DST: variants seen among roughly 807,000 people sequenced by gnomAD.
The protein encoded by DST is dystonin.
A neutral mutation model predicts 875.2 loss-of-function variants in DST; 253 were observed. The observed-to-expected ratio is 0.29, with a 90% CI of 0.26 to 0.32. DST has a LOEUF of 0.32. Among genes scored for constraint, DST ranks in the 10% least tolerant of loss-of-function variants. DST has a pLI of 1.00. For missense variants in DST, 8,287 were observed against 9,111.6 expected, an observed-to-expected ratio of 0.91 and a Z score of 3.68; for synonymous variants, 3,124 against 3,197.1, an observed-to-expected ratio of 0.98 and a Z score of 0.77.
At chr6:56,494,208 C>T in intron 82 of DST, 28 bp from the exon 83 acceptor site, 1 of 1,568,274 alleles carries the variant, frequency 6.4e-7, no homozygotes, top group Non-Finnish European at 8.7e-7. Flanking sequence ...CAAGTTATAT[C>T]ACTTTAAGAA....
rs1392667033 is a variant in DST at position 56,735,166 on chromosome 6, T to C, written c.687+62A>G. On this transcript the variant is annotated intron_variant, in intron 5 of 103. Coordinates refer to ENST00000680361, the MANE Select transcript of DST (RefSeq NM_001374736.1). ...TGTGCTTCAGAGCTATATAATCAAT[T>C]ACTGCAAAATAAACTGAAATATTCC... The C allele has an allele frequency of 1.2e-5, 13 of 1,113,334 alleles. No individual in the cohort carries two copies. In the East Asian group the frequency reaches 2.6e-4, roughly 22 times the overall value. The allele number at this position is 1,113,334 out of a possible 1,614,324, so 69.0% of individuals were successfully genotyped here.
At position 56,898,233 on chromosome 6, in the gene DST, G is replaced by C. The variant is rs1158486874; in HGVS notation, c.417+2188C>G. Among the ~76,000 whole-genome samples, 3 of 152,162 alleles carry C rather than the reference G, an allele frequency of 2.0e-5. No homozygotes were observed. The East Asian group carries it at 5.8e-4, about 29-fold the overall frequency. ...AAGGGCACCTCACTCTGATAGGAAG[G>C]ATCAGAAAAGACTTCACCTGACCTA... On this transcript the variant is annotated intron_variant, in intron 3 of 103. Coordinates refer to ENST00000680361, the MANE Select transcript of DST (RefSeq NM_001374736.1).
At chr6:56,779,656 T>G (rs1317102589) in intron 4 of DST, among the ~76,000 whole-genome samples, 1 of 151,892 alleles carries the variant, frequency 6.6e-6, no homozygotes, top group Non-Finnish European at 1.5e-5. Context: ...TTTCCCCATT[T>G]CTTGTTTTTG....
At chr6:56,511,067 G>C in intron 73 of DST, 130 bp downstream of exon 73, 1 of 762,868 alleles carries the variant, frequency 1.3e-6, no homozygotes, top group Non-Finnish European at 2.1e-6. Context: ...GAGGGACACA[G>C]ACATCAATAC....
intron 61 of DST, among the ~76,000 whole-genome samples, chr6:56,545,005 A>G (rs1194761123): frequency 6.6e-6 from 1 of 152,132 alleles, no homozygotes; most frequent in African/African-American, 2.4e-5. Flanking sequence ...CATGATATCT[A>G]GATCCATCAC....
intron 10 of DST, among the ~76,000 whole-genome samples, chr6:56,669,181 GTTAGT>G (rs1294487159): frequency 1.3e-5 from 2 of 149,300 alleles, no homozygotes; most frequent in East Asian, 2.0e-4. Context: ...AAATAAATTG[GTTAGT>G]TTAATGACTT....
intron 10 of DST, among the ~76,000 whole-genome samples, chr6:56,668,877 G>A (rs1362848398): frequency 4.6e-5 from 7 of 151,882 alleles, no homozygotes; most frequent in Non-Finnish European, 1.0e-4. Flanking sequence ...AATAAAAAGG[G>A]AGAAAGAAAA....
intron 5 of DST, 61 bp downstream of exon 5, chr6:56,735,167 A>G: frequency 9.0e-7 from 1 of 1,114,922 alleles, no homozygotes; most frequent in Non-Finnish European, 1.3e-6. Flanking sequence ...ATAATCAATT[A>G]CTGCAAAATA....
At chr6:56,573,189 T>C (rs1201521742) in intron 51 of DST, 125 bp from the exon 52 acceptor site, 4 of 822,564 alleles carry the variant, frequency 4.9e-6, no homozygotes, top group African/African-American at 1.7e-5. Flanking sequence ...AGGTTAACAG[T>C]TGAAACTGAA....
chr6:56,764,939 AGAGT>A (rs1317675221), intron 4 of DST, among the ~76,000 whole-genome samples: 2 of 136,676 alleles, frequency 1.5e-5, no homozygotes, highest in Non-Finnish European at 3.1e-5. Flanking sequence ...CCTGGGTGAC[AGAGT>A]GAGACTCCAT....
intron 38 of DST, 71 bp from the exon 39 acceptor site, chr6:56,610,633 T>C: frequency 1.5e-6 from 2 of 1,329,048 alleles, no homozygotes; most frequent in Non-Finnish European, 1.0e-6. Flanking sequence ...TTAGGTTCAA[T>C]AATTTTGTCA....
chr6:56,603,520 A>G, intron 41 of DST, 44 bp downstream of exon 41: 1 of 1,591,796 alleles, frequency 6.3e-7, no homozygotes, highest in Non-Finnish European at 8.5e-7. Context: ...CCAGTCATAC[A>G]TCAGCTGACT....
chr6:56,746,674 C>G (rs1043188364), intron 4 of DST, among the ~76,000 whole-genome samples: 15 of 152,116 alleles, frequency 9.9e-5, no homozygotes, highest in Admixed American at 9.8e-4. Context: ...GGTGTCTTTC[C>G]TATCTCATTC....
chr6:56,644,779 G>T (rs942703574), intron 15 of DST, among the ~76,000 whole-genome samples: 4 of 152,194 alleles, frequency 2.6e-5, no homozygotes, highest in African/African-American at 9.7e-5. Context: ...GAGCAAGGGG[G>T]CTGGAGAGGT....
At chr6:56,817,109 A>AC (rs1554164990) in intron 4 of DST, among the ~76,000 whole-genome samples, 1 of 151,736 alleles carries the variant, frequency 6.6e-6, no homozygotes, top group African/African-American at 2.4e-5. Context: ...ACACACACAC[A>AC]AAGTAAATTA....
At chr6:56,621,888 T>C (rs2098693322) in intron 36 of DST, among the ~76,000 whole-genome samples, 1 of 152,184 alleles carries the variant, frequency 6.6e-6, no homozygotes, top group African/African-American at 2.4e-5. Flanking sequence ...ACATCTTATT[T>C]TGCTTCCTCT....
rs1428222157 is a variant in DST, at chr6:56,608,634, A to G, written c.5994T>C (p.Asn1998=). The G allele has an allele frequency of 6.2e-7, 1 of 1,613,324 alleles. No homozygotes were observed. Among genetic ancestry groups the G allele is most frequent in the South Asian group, 1.1e-5 (1 of 90,994 alleles). Residue 1998 remains asparagine (N), a synonymous_variant, in exon 40 of 104, where the codon AAT becomes AAC. Transcript: ENST00000680361. The part of the protein sequence containing the change: ...SAQLLSGGLI[N]SNSGQRMTVE... ...CAGTCATTCTTTGGCCAGAGTTGGA[A>G]TTGATCAGACCTCCAGAAAGAAGCT... is the stretch of plus-strand genomic sequence containing the variant.
intron 75 of DST, 134 bp from the exon 76 acceptor site, chr6:56,506,923 G>A (rs2096335211): frequency 6.3e-6 from 6 of 951,306 alleles, no homozygotes; most frequent in Middle Eastern, 3.6e-4. Context: ...CTAAGTTTCT[G>A]CAATAAATTT....
In DST at chr6:56,458,727, C is replaced by T. The variant is rs2094177745; in HGVS notation, c.*278G>A. The T allele has an allele frequency of 3.8e-6, 1 of 265,596 alleles. No homozygotes were observed. The highest frequency in any genetic ancestry group is 4.9e-5 in the Admixed American group (1 of 20,228). 16.5% of individuals were successfully genotyped at this position (265,596 alleles called of 1,614,324 possible). A position where few individuals can be genotyped will look rare whatever the true frequency, so the allele number is the denominator to read the frequency against. ...GAGGATGTAGACTTACCTGTAGGTA[C>T]AGTAACTGAGTTTAGTGTGTGCCCG... is the stretch of plus-strand genomic sequence containing the variant. On this transcript the variant is annotated 3_prime_UTR_variant, in exon 104 of 104. Coordinates refer to ENST00000680361, the MANE Select transcript of DST (RefSeq NM_001374736.1).
Sources: gnomAD v4.1 joint callset for allele counts (sites outside exome capture counted in the v4.1 genomes callset) on GRCh38, gnomAD v4.1.1 for gene constraint, MANE v1.5 for transcripts, NCBI Gene and HGNC (gene_info 2026-07-23, HGNC 2026-07-21) for gene names.